The following ROBO1 variants were observed in gnomAD, a reference collection of about 807,000 sequenced individuals.
The protein encoded by ROBO1 is roundabout homolog 1.
A neutral mutation model predicts 195.9 loss-of-function variants in ROBO1; 149 were observed. The ratio of observed to expected loss-of-function variants is 0.76; its 90% CI spans 0.67 to 0.87. The LOEUF (loss-of-function observed/expected upper bound fraction) is 0.87. Ranked by LOEUF, ROBO1 falls within the 40% of genes least tolerant of loss-of-function variation. The pLI, the probability that ROBO1 is intolerant of heterozygous loss-of-function variation, is 0.00. For missense variants in ROBO1, 1,933 were observed against 2,068.3 expected, an observed-to-expected ratio of 0.93 and a Z score of 1.27; for synonymous variants, 816 against 733.2, an observed-to-expected ratio of 1.11 and a Z score of -1.82.
At chr3:79,348,938 A>G (rs1559836212) in intron 2 of ROBO1, among the ~76,000 whole-genome samples, 1 of 152,214 alleles carries the variant, frequency 6.6e-6, no homozygotes, top group Non-Finnish European at 1.5e-5. Flanking sequence ...CTAAAAAAAA[A>G]TCAATTGAAT....
In ROBO1 at chr3:78,676,952, G is replaced by A. The variant is rs541917007; in HGVS notation, c.1343-6651C>T. 4.7e-3 allele frequency among the ~76,000 whole-genome samples: 716 copies of A among 152,318 alleles called. 9 individuals carry two copies. The highest frequency in any genetic ancestry group is 0.015 in the African/African-American group (628 of 41,562). On this transcript the variant is annotated intron_variant, in intron 10 of 30. Transcript: ENST00000464233. The stretch of plus-strand genomic sequence containing the variant: ...AAGGTCAGGTTACCCACAAAGGGAA[G>A]ACCATCAGACTAACAGCGGATCTCT...
intron 4 of ROBO1, among the ~76,000 whole-genome samples, chr3:78,855,180 CTTGATCACTTA>C (rs1462966928): frequency 1.3e-5 from 2 of 152,024 alleles, no homozygotes; most frequent in African/African-American, 4.8e-5. Context: ...TGAATGGTAC[CTTGATCACTTA>C]CGCTGATTTC....
At chr3:78,734,460 C>G (rs1198829110) in intron 5 of ROBO1, among the ~76,000 whole-genome samples, 3 of 151,572 alleles carry the variant, frequency 2.0e-5, no homozygotes, top group East Asian at 3.9e-4. Context: ...ACTCACATGG[C>G]TGAAGTGGGA....
At chr3:79,524,941 A>G (rs938977022) in intron 2 of ROBO1, among the ~76,000 whole-genome samples, 1 of 152,040 alleles carries the variant, frequency 6.6e-6, no homozygotes, top group African/African-American at 2.4e-5. Flanking sequence ...ATATACATAG[A>G]CATACATATA....
intron 2 of ROBO1, among the ~76,000 whole-genome samples, chr3:79,339,485 C>A (rs1042501221): frequency 6.6e-6 from 1 of 152,094 alleles, no homozygotes; most frequent in Non-Finnish European, 1.5e-5. Flanking sequence ...CTCTTCTCTC[C>A]GACTAGCACA....
At chr3:79,041,187 T>C (rs1344943303) in intron 3 of ROBO1, among the ~76,000 whole-genome samples, 1 of 152,214 alleles carries the variant, frequency 6.6e-6, no homozygotes, top group African/African-American at 2.4e-5. Context: ...ATTTTTTTAG[T>C]ATAATCCCTT....
At chr3:78,826,347 C>G (rs1030954486) in intron 4 of ROBO1, among the ~76,000 whole-genome samples, 1 of 152,110 alleles carries the variant, frequency 6.6e-6, no homozygotes, top group Non-Finnish European at 1.5e-5. Context: ...TCGTCTTTCT[C>G]AAAAATGGTT....
At chr3:78,733,599 T>C (rs1490325897) in intron 5 of ROBO1, among the ~76,000 whole-genome samples, 2 of 152,198 alleles carry the variant, frequency 1.3e-5, no homozygotes, top group African/African-American at 2.4e-5. Context: ...TTCTTTGAGA[T>C]AAATTCTAAA....
chr3:79,061,889 T>C (rs1057342859), intron 3 of ROBO1, among the ~76,000 whole-genome samples: 1 of 152,048 alleles, frequency 6.6e-6, no homozygotes, highest in African/African-American at 2.4e-5. Flanking sequence ...CCTAAAACCA[T>C]AAAAACCCTA....
intron 2 of ROBO1, among the ~76,000 whole-genome samples, chr3:79,279,445 T>TA (rs777385183): frequency 4.6e-5 from 7 of 151,878 alleles, no homozygotes; most frequent in Non-Finnish European, 1.5e-5. Flanking sequence ...ATCACTATTA[T>TA]AAAAAAAAGA....
At chr3:78,834,917 T>C (rs750161657) in intron 4 of ROBO1, among the ~76,000 whole-genome samples, 9 of 152,208 alleles carry the variant, frequency 5.9e-5, no homozygotes, top group Non-Finnish European at 1.2e-4. Flanking sequence ...TTTTCTACAA[T>C]GTAAACTTTT....
chr3:79,203,596 G>A (rs1209417935), intron 2 of ROBO1, among the ~76,000 whole-genome samples: 1 of 152,246 alleles, frequency 6.6e-6, no homozygotes, highest in African/African-American at 2.4e-5. Flanking sequence ...ATTTTTGTCT[G>A]GGAATTTAGA....
At chr3:78,682,706 A>T (rs1359592454) in intron 10 of ROBO1, among the ~76,000 whole-genome samples, 1 of 147,760 alleles carries the variant, frequency 6.8e-6, no homozygotes, top group Non-Finnish European at 1.5e-5. Flanking sequence ...AATATCAAAA[A>T]ATATATATAT....
chr3:79,353,278 C>G (rs2035415236), intron 2 of ROBO1, among the ~76,000 whole-genome samples: 1 of 151,948 alleles, frequency 6.6e-6, no homozygotes, highest in Admixed American at 6.6e-5. Context: ...GAGCAAATTG[C>G]TCTTACATGG....
intron 4 of ROBO1, among the ~76,000 whole-genome samples, chr3:78,833,078 G>A (rs2032374497): frequency 6.6e-6 from 1 of 151,956 alleles, no homozygotes; most frequent in South Asian, 2.1e-4. Context: ...TAAATGATGT[G>A]GTCAGATTTC....
intron 2 of ROBO1, among the ~76,000 whole-genome samples, chr3:79,407,371 G>A (rs1164260903): frequency 2.0e-5 from 3 of 152,110 alleles, no homozygotes; most frequent in African/African-American, 4.8e-5. Flanking sequence ...CTTATTTCCC[G>A]ATAATATAAT....
rs577908105 is a variant in ROBO1, at chr3:78,725,819, C to G, written c.658-7936G>C. Among the ~76,000 whole-genome samples, 20 of 152,206 alleles carry G rather than the reference C, an allele frequency of 1.3e-4. No individual in the cohort carries two copies. The South Asian group carries it at 3.9e-3, about 30-fold the overall frequency. Reference sequence around the variant, plus strand: ...GTTATCCGAGAGTACACAGCTTACCCTGAAATCAGTGCTCACAATCAGAAA... The same window carrying G: ...GTTATCCGAGAGTACACAGCTTACCGTGAAATCAGTGCTCACAATCAGAAA... On this transcript the variant is annotated intron_variant, in intron 5 of 30. Transcript: ENST00000464233.
chr3:79,471,097 C>T (rs1026317071), intron 2 of ROBO1, among the ~76,000 whole-genome samples: 1 of 151,888 alleles, frequency 6.6e-6, no homozygotes, highest in African/African-American at 2.4e-5. Context: ...AAGCTGGATA[C>T]CCATAGGCAG....
intron 4 of ROBO1, among the ~76,000 whole-genome samples, chr3:78,930,857 G>A (rs906893436): frequency 2.6e-5 from 4 of 152,154 alleles, no homozygotes; most frequent in African/African-American, 9.7e-5. Context: ...TACAACATAG[G>A]TGATGTTTTA....
Sources: allele counts gnomAD v4.1 joint callset (sites outside exome capture counted in the v4.1 genomes callset), GRCh38; gene constraint gnomAD v4.1.1; transcripts MANE v1.5; gene names NCBI Gene and HGNC (gene_info 2026-07-23, HGNC 2026-07-21).